Variants in KIF2A observed in about 807,000 individuals in gnomAD.
KIF2A encodes the protein kinesin family member 2A.
In KIF2A, 22 loss-of-function variants were observed where a neutral mutation model predicts 100.2. The ratio of observed to expected loss-of-function variants is 0.22; its 90% CI spans 0.16 to 0.31. The LOEUF (loss-of-function observed/expected upper bound fraction) is 0.31, where lower values mean the gene tolerates loss of function less well. Among genes scored for constraint, KIF2A ranks in the 10% least tolerant of loss-of-function variants. The pLI is 1.00. For missense variants in KIF2A, 495 were observed against 898.7 expected (o/e 0.55, Z 5.74); for synonymous variants, 268 against 285.9 (o/e 0.94, Z 0.63).
At chr5:62,360,386 T>C (rs1186661001) in intron 9 of KIF2A, among the ~76,000 whole-genome samples, 1 of 152,134 alleles carries the variant, frequency 6.6e-6, no homozygotes, top group Non-Finnish European at 1.5e-5. Flanking sequence ...TACCAATACA[T>C]TTGAAATATA....
intron 9 of KIF2A, among the ~76,000 whole-genome samples, chr5:62,359,682 CTGTG>C (rs1202612988): frequency 6.6e-6 from 1 of 151,992 alleles, no homozygotes; most frequent in Non-Finnish European, 1.5e-5. Flanking sequence ...AGGCATGTTT[CTGTG>C]TGTATGATTT....
chr5:62,335,564 T>C (rs529628825), intron 1 of KIF2A, among the ~76,000 whole-genome samples: 2 of 152,222 alleles, frequency 1.3e-5, no homozygotes, highest in Admixed American at 6.5e-5. Flanking sequence ...CTTGTAACTT[T>C]GAACCAACTG....
intron 1 of KIF2A, among the ~76,000 whole-genome samples, chr5:62,322,722 A>G (rs1225527899): frequency 6.6e-6 from 1 of 152,154 alleles, no homozygotes; most frequent in Non-Finnish European, 1.5e-5. Context: ...CTGTGTACCT[A>G]CACACATATA....
chr5:62,310,408 C>G (rs1322523397), intron 1 of KIF2A, among the ~76,000 whole-genome samples: 1 of 152,150 alleles, frequency 6.6e-6, no homozygotes, highest in Non-Finnish European at 1.5e-5. Context: ...CCATTCCCAC[C>G]CCCACTACTG....
intron 6 of KIF2A, 23 bp from the exon 7 acceptor site, chr5:62,355,136 G>T: frequency 9.8e-7 from 1 of 1,015,784 alleles, no homozygotes; most frequent in South Asian, 1.4e-5. Flanking sequence ...TTATAATGGT[G>T]AATTCTCTCT....
intron 16 of KIF2A, among the ~76,000 whole-genome samples, chr5:62,369,675 A>C (rs1434383163): frequency 6.7e-6 from 1 of 150,200 alleles, no homozygotes; most frequent in African/African-American, 2.4e-5. Context: ...AGAGTCAGTA[A>C]TTTTTTTTTT....
chr5:62,320,805 A>G lies in KIF2A; in HGVS notation c.64+14269A>G, dbSNP rs192473657. On this transcript the variant is annotated intron_variant, in intron 1 of 20. Coordinates refer to ENST00000407818, the MANE Select transcript of KIF2A (RefSeq NM_001098511.3). Reference sequence around the variant, plus strand: ...ACCTAATAAACCTAAAGAGCCCTTTAAAGTGCACAATTCAGTGATTTTTTT... The same window carrying G: ...ACCTAATAAACCTAAAGAGCCCTTTGAAGTGCACAATTCAGTGATTTTTTT... Among the ~76,000 whole-genome samples the G allele has an allele frequency of 5.7e-5, 8 of 139,292 alleles. No homozygotes were observed. In the East Asian group the frequency reaches 1.4e-3, roughly 25 times the overall value. The allele number at this position is 139,292 out of a possible 152,430, so 91.4% of individuals were successfully genotyped here.
At position 62,306,478 on chromosome 5, in the gene KIF2A, A is replaced by T; in HGVS notation, c.6A>T (p.Ala2=). 9 of 1,529,526 alleles carry T rather than the reference A, an allele frequency of 5.9e-6. No homozygotes were observed. The highest frequency in any genetic ancestry group is 7.9e-6 in the Non-Finnish European group (9 of 1,135,446). 94.7% of individuals were successfully genotyped at this position (1,529,526 alleles called of 1,614,324 possible). The change falls in exon 1 of 21, where the codon GCA becomes GCT. Residue 2 remains alanine (A), a synonymous_variant. Coordinates refer to ENST00000407818, the MANE Select transcript of KIF2A (RefSeq NM_001098511.3). M[A]TANFGKIQIG... ...CTGCTGCTCCAGATGAGGTGATGGC[A>T]ACGGCCAACTTCGGCAAGATCCAGA...
chr5:62,367,826 T>A (rs1741147384), intron 16 of KIF2A, among the ~76,000 whole-genome samples: 1 of 152,202 alleles, frequency 6.6e-6, no homozygotes, highest in African/African-American at 2.4e-5. Flanking sequence ...GAATGACTGT[T>A]TAGTGTTAAA....
chr5:62,317,474 A>T (rs1478463153), intron 1 of KIF2A, among the ~76,000 whole-genome samples: 1 of 152,248 alleles, frequency 6.6e-6, no homozygotes, highest in Non-Finnish European at 1.5e-5. Flanking sequence ...CTATATTGTT[A>T]TAATGAGGAA....
intron 18 of KIF2A, among the ~76,000 whole-genome samples, chr5:62,375,243 G>A (rs1413247076): frequency 3.9e-5 from 6 of 152,290 alleles, no homozygotes; most frequent in African/African-American, 1.4e-4. Flanking sequence ...ATGTAAAGGT[G>A]TGTTTTTAAA....
intron 1 of KIF2A, chr5:62,308,554 ATG>A (rs1047263263): frequency 5.7e-6 from 4 of 702,464 alleles, no homozygotes; most frequent in African/African-American, 3.5e-5. Context: ...GTATACGTTT[ATG>A]TGTGTGTATA....
At chr5:62,323,054 C>G (rs1746185578) in intron 1 of KIF2A, among the ~76,000 whole-genome samples, 1 of 150,934 alleles carries the variant, frequency 6.6e-6, no homozygotes, top group East Asian at 2.0e-4. Context: ...GTCGGGAGTT[C>G]AAGACCAGCC....
chr5:62,357,284 A>C (rs74219113), intron 7 of KIF2A, among the ~76,000 whole-genome samples: 1 of 151,648 alleles, frequency 6.6e-6, no homozygotes, highest in African/African-American at 2.4e-5. Context: ...GGGTTTCTCC[A>C]TGTTGGCCAG....
At chr5:62,324,632 G>C (rs1302265800) in intron 1 of KIF2A, among the ~76,000 whole-genome samples, 2 of 152,202 alleles carry the variant, frequency 1.3e-5, no homozygotes, top group Non-Finnish European at 2.9e-5. Flanking sequence ...TTCAGTAAAT[G>C]GTGCTGGGGA....
At chr5:62,337,847 A>C (rs1477992754) in intron 1 of KIF2A, among the ~76,000 whole-genome samples, 1 of 152,056 alleles carries the variant, frequency 6.6e-6, no homozygotes, top group Non-Finnish European at 1.5e-5. Flanking sequence ...GAGAAAGGAA[A>C]ATTGCTGGCC....
chr5:62,314,086 C>T (rs1432704076), intron 1 of KIF2A, among the ~76,000 whole-genome samples: 1 of 152,144 alleles, frequency 6.6e-6, no homozygotes, highest in Non-Finnish European at 1.5e-5. Flanking sequence ...GCCACCATAC[C>T]TGGTCAAATT....
chr5:62,314,158 G>A (rs561074281), intron 1 of KIF2A, among the ~76,000 whole-genome samples: 1 of 152,202 alleles, frequency 6.6e-6, no homozygotes, highest in Admixed American at 6.5e-5. Context: ...TAGATATCCT[G>A]GGTTTGGGTA....
At chr5:62,332,433 T>G (rs1561255991) in intron 1 of KIF2A, among the ~76,000 whole-genome samples, 1 of 152,212 alleles carries the variant, frequency 6.6e-6, no homozygotes, top group Non-Finnish European at 1.5e-5. Flanking sequence ...TGTTTTCCCT[T>G]TAATTTCGTC....
Sources: gnomAD v4.1 joint callset for allele counts (sites outside exome capture counted in the v4.1 genomes callset) on GRCh38, gnomAD v4.1.1 for gene constraint, MANE v1.5 for transcripts, NCBI Gene and HGNC (gene_info 2026-07-23, HGNC 2026-07-21) for gene names.